The following PPP2R2B variants were observed in gnomAD, a reference collection of about 807,000 sequenced individuals.
PPP2R2B encodes the protein protein phosphatase 2 regulatory subunit Bbeta, also known as serine/threonine-protein phosphatase 2A 55 kDa regulatory subunit B beta isoform.
PPP2R2B carries 5 observed loss-of-function variants against 46.0 expected under a neutral mutation model. That is an observed-to-expected ratio of 0.11 (90% CI 0.06 to 0.23). PPP2R2B has a LOEUF of 0.23. PPP2R2B is among the 10% of genes least tolerant of loss of function. The probability of loss-of-function intolerance (pLI) is 1.00; values close to 1 mark genes in which losing one functional copy is unlikely to be tolerated. For missense variants in PPP2R2B, 367 were observed against 575.0 expected, an observed-to-expected ratio of 0.64 and a Z score of 3.70; for synonymous variants, 215 against 206.7, an observed-to-expected ratio of 1.04 and a Z score of -0.34.
At chr5:146,769,201 T>G (rs1252702620) in intron 2 of PPP2R2B, among the ~76,000 whole-genome samples, 1 of 152,142 alleles carries the variant, frequency 6.6e-6, no homozygotes, top group Non-Finnish European at 1.5e-5. Context: ...CCTTCTCCCT[T>G]GCCCTTCTCG....
intron 2 of PPP2R2B, among the ~76,000 whole-genome samples, chr5:147,070,900 A>C (rs994277079): frequency 6.6e-6 from 1 of 152,068 alleles, no homozygotes; most frequent in African/African-American, 2.4e-5. Context: ...GATGGTTTAG[A>C]AGTGGGCATC....
intron 2 of PPP2R2B, among the ~76,000 whole-genome samples, chr5:147,064,832 G>A (rs1757372795): frequency 6.6e-6 from 1 of 152,106 alleles, no homozygotes; most frequent in African/African-American, 2.4e-5. Flanking sequence ...AAACTATAAG[G>A]CATTCCATAA....
At chr5:146,711,992 C>T (rs111255071) in intron 2 of PPP2R2B, among the ~76,000 whole-genome samples, 2,143 of 152,160 alleles carry the variant, frequency 0.014, 58 homozygotes, top group African/African-American at 0.049. Flanking sequence ...AAATTGAACA[C>T]TAAATACAAT....
At chr5:146,639,831 G>A (rs570084720) in intron 6 of PPP2R2B, among the ~76,000 whole-genome samples, 1 of 152,206 alleles carries the variant, frequency 6.6e-6, no homozygotes, top group South Asian at 2.1e-4. Context: ...GTTTAATAAG[G>A]TAGCTACATT....
intron 2 of PPP2R2B, among the ~76,000 whole-genome samples, chr5:146,781,754 T>C (rs1755544720): frequency 6.6e-6 from 1 of 152,156 alleles, no homozygotes. Context: ...GAAAACAGTA[T>C]ATTTCAGGAT....
At chr5:146,941,212 C>A (rs1764311545) in intron 1 of PPP2R2B, among the ~76,000 whole-genome samples, 1 of 152,182 alleles carries the variant, frequency 6.6e-6, no homozygotes, top group Non-Finnish European at 1.5e-5. Context: ...TCCTCCCACC[C>A]TTTCTTCTCC....
At chr5:147,064,700 T>C (rs991709008) in intron 2 of PPP2R2B, among the ~76,000 whole-genome samples, 1 of 152,256 alleles carries the variant, frequency 6.6e-6, no homozygotes, top group African/African-American at 2.4e-5. Flanking sequence ...ACAATATTTG[T>C]AAATGTGTTT....
At chr5:146,988,048 T>G (rs1236619199) in intron 1 of PPP2R2B, among the ~76,000 whole-genome samples, 2 of 151,942 alleles carry the variant, frequency 1.3e-5, no homozygotes, top group Non-Finnish European at 2.9e-5. Context: ...TGATGAAAGA[T>G]TCAATACAGC....
intron 1 of PPP2R2B, among the ~76,000 whole-genome samples, chr5:146,997,169 G>A: frequency 6.6e-6 from 1 of 152,096 alleles, no homozygotes; most frequent in East Asian, 1.9e-4. Context: ...TTTAAAAAAG[G>A]CATAGTGCCT....
At chr5:147,017,965 G>A (rs1359305372) in intron 1 of PPP2R2B, among the ~76,000 whole-genome samples, 1 of 151,848 alleles carries the variant, frequency 6.6e-6, no homozygotes, top group Non-Finnish European at 1.5e-5. Context: ...GATAAAGACA[G>A]GACCATGTAG....
intron 6 of PPP2R2B, among the ~76,000 whole-genome samples, chr5:146,646,057 T>C (rs554527948): frequency 5.3e-5 from 8 of 152,360 alleles, no homozygotes; most frequent in Admixed American, 3.3e-4. Flanking sequence ...TAAAAATGCA[T>C]TCATAGAACC....
chr5:146,909,001 C>T (rs1763094027), intron 1 of PPP2R2B, among the ~76,000 whole-genome samples: 1 of 152,150 alleles, frequency 6.6e-6, no homozygotes, highest in Non-Finnish European at 1.5e-5. Flanking sequence ...TAAGATCCTT[C>T]AGATCAGCTC....
chr5:146,683,242 T>C (rs1485409792), intron 5 of PPP2R2B, among the ~76,000 whole-genome samples: 1 of 152,204 alleles, frequency 6.6e-6, no homozygotes, highest in Non-Finnish European at 1.5e-5. Context: ...CAGTAACTTT[T>C]ACAATCTCCT....
intron 1 of PPP2R2B, among the ~76,000 whole-genome samples, chr5:146,993,202 C>T (rs1753780155): frequency 1.3e-5 from 2 of 151,328 alleles, no homozygotes; most frequent in African/African-American, 2.4e-5. Flanking sequence ...CTCAGCCTCC[C>T]AAAGTGCTGG....
At chr5:146,863,380 C>G (rs1761120065) in intron 2 of PPP2R2B, among the ~76,000 whole-genome samples, 1 of 152,146 alleles carries the variant, frequency 6.6e-6, no homozygotes, top group Non-Finnish European at 1.5e-5. Flanking sequence ...ATATCTTCTC[C>G]TTTTAAACTG....
intron 2 of PPP2R2B, among the ~76,000 whole-genome samples, chr5:146,708,505 T>C (rs2151178262): frequency 6.6e-6 from 1 of 152,008 alleles, no homozygotes; most frequent in East Asian, 1.9e-4. Context: ...TATGTATCCA[T>C]AACCACTATC....
chr5:146,705,664 G>T (rs1278743406), intron 2 of PPP2R2B, among the ~76,000 whole-genome samples: 1 of 152,062 alleles, frequency 6.6e-6, no homozygotes, highest in Non-Finnish European at 1.5e-5. Context: ...CTCTGATAAG[G>T]TTTACTTTAC....
chr5:147,019,740 C>T (rs951658669), intron 1 of PPP2R2B, among the ~76,000 whole-genome samples: 4 of 152,112 alleles, frequency 2.6e-5, no homozygotes, highest in African/African-American at 9.7e-5. Context: ...CCTATGTGAC[C>T]TGAATACCTA....
intron 7 of PPP2R2B, among the ~76,000 whole-genome samples, chr5:146,630,249 G>T (rs322485): frequency 0.13 from 19,139 of 152,136 alleles, 2,322 homozygotes; most frequent in African/African-American, 0.3. Flanking sequence ...CTTTGGATCC[G>T]TCTGATAACA....
Sources: allele counts gnomAD v4.1 joint callset (sites outside exome capture counted in the v4.1 genomes callset), GRCh38; gene constraint gnomAD v4.1.1; transcripts MANE v1.5; gene names NCBI Gene and HGNC (gene_info 2026-07-23, HGNC 2026-07-21).